The following ELL2 variants were observed in gnomAD, a reference collection of about 807,000 sequenced individuals.
ELL2 encodes the protein RNA polymerase II elongation factor ELL2.
ELL2 carries 21 observed loss-of-function variants against 72.8 expected under a neutral mutation model. The observed-to-expected ratio is 0.29, with a 90% CI of 0.20 to 0.42. ELL2 has a LOEUF of 0.42. Ranked by LOEUF, ELL2 falls within the 10% of genes least tolerant of loss-of-function variation. ELL2 has a pLI of 1.00. For missense variants in ELL2, 568 were observed against 772.8 expected (o/e 0.73, Z 3.14); for synonymous variants, 266 against 283.2 (o/e 0.94, Z 0.61).
At chr5:95,940,778 G>A (rs1009100251) in intron 2 of ELL2, among the ~76,000 whole-genome samples, 1 of 152,138 alleles carries the variant, frequency 6.6e-6, no homozygotes, top group Non-Finnish European at 1.5e-5. Context: ...TCTTCAGAGA[G>A]GATTTAAAGC....
intron 1 of ELL2, among the ~76,000 whole-genome samples, chr5:95,958,743 A>G (rs1289214753): frequency 1.3e-5 from 2 of 152,146 alleles, no homozygotes. Context: ...TCCATGCTTT[A>G]AGGTAGAGAG....
intron 1 of ELL2, among the ~76,000 whole-genome samples, chr5:95,953,957 C>A (rs1751517959): frequency 6.6e-6 from 1 of 152,062 alleles, no homozygotes; most frequent in South Asian, 2.1e-4. Context: ...GCCTTAAGTA[C>A]AATTTATAGA....
chr5:95,935,157 TTATAA>T (rs1750728565), intron 2 of ELL2, among the ~76,000 whole-genome samples: 1 of 152,200 alleles, frequency 6.6e-6, no homozygotes, highest in African/African-American at 2.4e-5. Flanking sequence ...TTTAATAATT[TTATAA>T]TATACATAAA....
chr5:95,932,091 G>T (rs1750622707), intron 2 of ELL2, among the ~76,000 whole-genome samples: 1 of 151,362 alleles, frequency 6.6e-6, no homozygotes, highest in Non-Finnish European at 1.5e-5. Flanking sequence ...GCATTCCTGA[G>T]GCAGAGTCTG....
chr5:95,934,282 C>G (rs1037434283), intron 2 of ELL2, among the ~76,000 whole-genome samples: 1 of 151,250 alleles, frequency 6.6e-6, no homozygotes, highest in Non-Finnish European at 1.5e-5. Flanking sequence ...TTATAAAGAA[C>G]TGCCCTTTTC....
chr5:95,942,063 T>G (rs994523927), intron 2 of ELL2, among the ~76,000 whole-genome samples: 1 of 152,228 alleles, frequency 6.6e-6, no homozygotes, highest in Non-Finnish European at 1.5e-5. Flanking sequence ...CATTTAGAAG[T>G]ACTCTTGGCC....
intron 2 of ELL2, among the ~76,000 whole-genome samples, chr5:95,926,029 T>C (rs1750269394): frequency 6.6e-6 from 1 of 152,186 alleles, no homozygotes; most frequent in Admixed American, 6.5e-5. Flanking sequence ...TATATTTGCA[T>C]GTACTATTCA....
intron 1 of ELL2, among the ~76,000 whole-genome samples, chr5:95,951,380 A>AAAATAAATAAATAAATAAATAAAT (rs566594776): frequency 1.3e-5 from 2 of 151,324 alleles, no homozygotes; most frequent in African/African-American, 4.9e-5. Context: ...AAAATAAAAT[A>AAAATAAATAAATAAATAAATAAAT]AAATAAATAA....
chr5:95,915,959 T>C (rs1749778175), intron 3 of ELL2, among the ~76,000 whole-genome samples: 1 of 151,596 alleles, frequency 6.6e-6, no homozygotes, highest in East Asian at 1.9e-4. Context: ...AAATAACTCA[T>C]TTGTATTGCA....
At chr5:95,927,439 G>GTA (rs1236845988) in intron 2 of ELL2, among the ~76,000 whole-genome samples, 1,009 of 35,218 alleles carry the variant, frequency 0.029, 264 homozygotes, top group African/African-American at 0.045. Flanking sequence ...ACACACGTGT[G>GTA]TATATAGACA....
chr5:95,943,094 T>C (rs751856742), intron 1 of ELL2, 45 bp from the exon 2 acceptor site: 1 of 1,526,436 alleles, frequency 6.6e-7, no homozygotes. Context: ...CCTTGGTTAC[T>C]GTGACATAGA....
intron 1 of ELL2, among the ~76,000 whole-genome samples, chr5:95,955,728 G>C (rs901522219): frequency 3.3e-5 from 5 of 152,056 alleles, no homozygotes; most frequent in African/African-American, 1.2e-4. Flanking sequence ...TCAGATGTTG[G>C]GTTATATACA....
intron 9 of ELL2, among the ~76,000 whole-genome samples, chr5:95,893,877 G>A (rs1396540087): frequency 1.3e-5 from 2 of 152,106 alleles, no homozygotes; most frequent in African/African-American, 2.4e-5. Context: ...CAATCACATA[G>A]TACTAGAAAC....
At position 95,898,781 on chromosome 5, in the gene ELL2, A is replaced by T. The variant is rs75739479; in HGVS notation, c.984T>A (p.Asp328Glu). 541 of 1,522,484 alleles carry T rather than the reference A, an allele frequency of 3.6e-4. 9 individuals carry two copies. The East Asian group carries it at 9.3e-3, about 26-fold the overall frequency. 94.3% of individuals were successfully genotyped at this position (1,522,484 alleles called of 1,614,324 possible). Reference protein sequence around the residue: ...QKRLLDSEFIDPLMNKKARIS... With the variant: ...QKRLLDSEFIEPLMNKKARIS... ...TTCGGGCTTTTTTATTCATTAAAGG[A>T]TCAATAAACTCTGAATCCAAAAGCC... Residue 328 changes from aspartate to glutamate, a missense_variant, in exon 8 of 12, where the codon GAT (aspartate) becomes GAA (glutamate). Physicochemically the swap from Asp to Glu is conservative, Grantham distance 45. This residue lies in a region of ELL2 where 511 missense variants were observed against 728.4 expected (regional missense o/e 0.70). Coordinates refer to ENST00000237853, the MANE Select transcript of ELL2 (RefSeq NM_012081.6).
In ELL2 at chr5:95,927,400, TACACACACGTGTGTATATAGACATAC is replaced by T. The variant is rs1750343221; in HGVS notation, c.196-7881_196-7856del. On this transcript the variant is annotated intron_variant, in intron 2 of 11. Transcript: ENST00000237853. ...ACACACACGTGTGTATATATAGACA[TACACACACGTGTGTATATAGACATAC>T]ACACACACGTGTGTATATAGACATA... Among the ~76,000 whole-genome samples the T allele has an allele frequency of 8.7e-3, 257 of 29,404 alleles. 5 individuals carry two copies. Among genetic ancestry groups the T allele is most frequent in the Admixed American group, 0.017 (61 of 3,684 alleles). The allele number at this position is 29,404 out of a possible 152,430, so 19.3% of individuals were successfully genotyped here. A position where few individuals can be genotyped will look rare whatever the true frequency, so the allele number is the denominator to read the frequency against.
intron 3 of ELL2, among the ~76,000 whole-genome samples, chr5:95,918,248 T>C (rs955556559): frequency 1.2e-4 from 18 of 152,266 alleles, no homozygotes; most frequent in African/African-American, 4.3e-4. Flanking sequence ...TTAGTGTGAA[T>C]GTGCAATGAT....
chr5:95,949,026 A>G (rs1226622952), intron 1 of ELL2, among the ~76,000 whole-genome samples: 2 of 152,236 alleles, frequency 1.3e-5, no homozygotes, highest in African/African-American at 4.8e-5. Context: ...CAATGCTAAA[A>G]TGCTCTTAAG....
Position 95,961,733 on chromosome 5 carries a change from CG to C in ELL2, c.-13del. The C allele has an allele frequency of 6.3e-7, 1 of 1,592,628 alleles. No homozygotes were observed. The highest frequency in any genetic ancestry group is 8.5e-7 in the Non-Finnish European group (1 of 1,171,896). On this transcript the variant is annotated 5_prime_UTR_variant, in exon 1 of 12. It removes the in-frame stop codon of an upstream open reading frame in the 5' UTR. Coordinates refer to ENST00000237853, the MANE Select transcript of ELL2 (RefSeq NM_012081.6). Reference sequence around the variant, plus strand: ...CCCCCCGCCGCCATCTTAAACTCCCCGGGGTGCCGCCGCCGCCGCCGCTCCG... The same window carrying C: ...CCCCCCGCCGCCATCTTAAACTCCCCGGGTGCCGCCGCCGCCGCCGCTCCG...
rs756897509 is a variant in ELL2 at position 95,961,708 on chromosome 5, C to T, written c.14G>A (p.Gly5Glu). The T allele has an allele frequency of 5.6e-6, 9 of 1,605,484 alleles. No individual in the cohort carries two copies. Among genetic ancestry groups the T allele is most frequent in the South Asian group, 5.5e-5 (5 of 90,424 alleles). The change falls in exon 1 of 12, where the codon GGG becomes GAG. Residue 5 changes from glycine (G) to glutamate (E), a missense_variant. Around this residue, in one of 2 missense-constraint regions of ELL2, gnomAD observed 57 missense variants for 44.4 expected, o/e 1.28. Transcript: ENST00000237853. ...CTGCTCCTCCCGCAGGCCCCCTGTC[C>T]CCCCCGCCGCCATCTTAAACTCCCC... is the stretch of plus-strand genomic sequence containing the variant. MAAG[G>E]TGGLREEQRY...
Sources: gnomAD v4.1 joint callset for allele counts (sites outside exome capture counted in the v4.1 genomes callset) on GRCh38, gnomAD v4.1.1 for gene constraint, gnomAD v4.1.1 regional missense constraint, MANE v1.5 for transcripts, NCBI Gene and HGNC (gene_info 2026-07-23, HGNC 2026-07-21) for gene names.